WWOX: variants seen among roughly 807,000 people sequenced by gnomAD.
The protein encoded by WWOX is WW domain containing oxidoreductase, also known as WW domain-containing oxidoreductase.
Under a neutral mutation model 46.2 loss-of-function variants are expected in WWOX, and 69 were observed. The ratio of observed to expected loss-of-function variants is 1.49; its 90% CI spans 1.23 to 1.82. The LOEUF (loss-of-function observed/expected upper bound fraction) is 1.82. WWOX is among the 40% of genes most tolerant of loss of function. The pLI, the probability that WWOX is intolerant of heterozygous loss-of-function variation, is 0.00. For synonymous variants in WWOX, 359 were observed against 202.6 expected (o/e 1.77, Z -6.56); for missense variants, 919 against 542.6 (o/e 1.69, Z -6.89).
intron 8 of WWOX, among the ~76,000 whole-genome samples, chr16:78,809,425 G>A (rs1441454324): frequency 1.3e-5 from 2 of 151,526 alleles, no homozygotes; most frequent in Non-Finnish European, 2.9e-5. Flanking sequence ...TCCCTAGTAT[G>A]TATTAATGAG....
At chr16:78,616,477 A>G (rs1350670428) in intron 8 of WWOX, among the ~76,000 whole-genome samples, 4 of 150,160 alleles carry the variant, frequency 2.7e-5, no homozygotes, top group Non-Finnish European at 5.9e-5. Flanking sequence ...AAAGGGCACT[A>G]ATGGCCAGGA....
In WWOX at chr16:78,432,710, C is replaced by T; in HGVS notation, c.1014C>T (p.Tyr338=). Residue 338 remains tyrosine (Y), a synonymous_variant, in exon 8 of 9, where the codon TAC becomes TAT. Coordinates refer to ENST00000566780, the MANE Select transcript of WWOX (RefSeq NM_016373.4). ...YSNIHRSWWV[Y]TLLFTLARPF... is the part of the protein sequence containing the mutation. ...ACATTCATCGCAGCTGGTGGGTGTA[C>T]ACACTGCTGTTTACCTTGGCGAGGC... 1 of 1,614,174 alleles carries T rather than the reference C, an allele frequency of 6.2e-7. No individual in the cohort carries two copies. The highest frequency in any genetic ancestry group is 1.7e-5 in the Admixed American group (1 of 60,028).
At chr16:78,564,432 A>T (rs2044514230) in intron 8 of WWOX, among the ~76,000 whole-genome samples, 1 of 152,178 alleles carries the variant, frequency 6.6e-6, no homozygotes, top group African/African-American at 2.4e-5. Context: ...ATCCAGGGTT[A>T]TATGCTACAG....
intron 8 of WWOX, among the ~76,000 whole-genome samples, chr16:78,437,075 C>A (rs72797987): frequency 6.6e-6 from 1 of 152,150 alleles, no homozygotes; most frequent in East Asian, 1.9e-4. Flanking sequence ...CCTTCTGACA[C>A]GGGTATTGCT....
intron 6 of WWOX, among the ~76,000 whole-genome samples, chr16:78,411,309 A>C (rs750428979): frequency 3.9e-5 from 6 of 152,132 alleles, no homozygotes; most frequent in Non-Finnish European, 5.9e-5. Flanking sequence ...ATGTTGAGTA[A>C]TATGCCATTG....
chr16:78,713,574 T>A (rs1442614073), intron 8 of WWOX, among the ~76,000 whole-genome samples: 2 of 152,070 alleles, frequency 1.3e-5, no homozygotes, highest in East Asian at 1.9e-4. Flanking sequence ...TTAATTTGGG[T>A]CCTTATAAAA....
intron 5 of WWOX, among the ~76,000 whole-genome samples, chr16:78,304,609 C>T (rs552079601): frequency 5.3e-5 from 8 of 152,302 alleles, no homozygotes; most frequent in Admixed American, 1.3e-4. Context: ...GAGATATATA[C>T]GCGTGCTGCT....
intron 5 of WWOX, among the ~76,000 whole-genome samples, chr16:78,343,245 C>T (rs544390493): frequency 8.3e-6 from 1 of 120,414 alleles, no homozygotes; most frequent in East Asian, 1.9e-4. Context: ...TGTGTGCCCT[C>T]TGCTGTTGAA....
intron 8 of WWOX, among the ~76,000 whole-genome samples, chr16:79,133,539 T>C (rs2049923706): frequency 6.6e-6 from 1 of 152,240 alleles, no homozygotes; most frequent in Non-Finnish European, 1.5e-5. Flanking sequence ...TTAAATGTTC[T>C]TTTCTTTTTC....
intron 5 of WWOX, among the ~76,000 whole-genome samples, chr16:78,239,102 C>T (rs1185402617): frequency 6.6e-6 from 1 of 152,200 alleles, no homozygotes; most frequent in Non-Finnish European, 1.5e-5. Flanking sequence ...TGTGTTTCCT[C>T]CTCAGGTGGC....
chr16:78,118,327 G>C (rs1009033447), intron 4 of WWOX, among the ~76,000 whole-genome samples: 2 of 152,158 alleles, frequency 1.3e-5, no homozygotes, highest in Admixed American at 6.5e-5. Context: ...GATTCTGACA[G>C]ATAAAAGGAT....
intron 6 of WWOX, among the ~76,000 whole-genome samples, chr16:78,411,242 A>G (rs1316481777): frequency 1.3e-5 from 2 of 152,172 alleles, no homozygotes; most frequent in African/African-American, 2.4e-5. Context: ...CCTGCCTAGG[A>G]CAGTGCGTTT....
At chr16:79,170,524 G>T (rs547014379) in intron 8 of WWOX, among the ~76,000 whole-genome samples, 1 of 152,172 alleles carries the variant, frequency 6.6e-6, no homozygotes, top group African/African-American at 2.4e-5. Context: ...CCTAAATTAT[G>T]CCAGATTAAG....
intron 8 of WWOX, among the ~76,000 whole-genome samples, chr16:78,990,958 C>G (rs190242794): frequency 8.4e-4 from 128 of 152,362 alleles, no homozygotes; most frequent in Non-Finnish European, 1.4e-3. Context: ...TCCAGGGGAG[C>G]TTGTCTTCAG....
chr16:79,078,326 T>A (rs1220497679), intron 8 of WWOX: 1 of 152,196 alleles, frequency 6.6e-6, no homozygotes, highest in Non-Finnish European at 1.5e-5. Flanking sequence ...GGTTAGGGTT[T>A]TGTTACTTGC....
At chr16:78,636,995 G>C (rs7193983) in intron 8 of WWOX, among the ~76,000 whole-genome samples, 41,620 of 152,070 alleles carry the variant, frequency 0.27, 5,850 homozygotes, top group African/African-American at 0.33. Context: ...ACAGAGGCAA[G>C]TGCGCATTTG....
At chr16:79,150,210 C>T (rs957261067) in intron 8 of WWOX, among the ~76,000 whole-genome samples, 1 of 152,160 alleles carries the variant, frequency 6.6e-6, no homozygotes, top group African/African-American at 2.4e-5. Context: ...GATCCTTTCC[C>T]AAACCATAGA....
chr16:78,479,517 A>C (rs1292107507), intron 8 of WWOX, among the ~76,000 whole-genome samples: 1 of 152,204 alleles, frequency 6.6e-6, no homozygotes, highest in Non-Finnish European at 1.5e-5. Flanking sequence ...TGGTTTTTGA[A>C]TGAAGTCACT....
intron 8 of WWOX, among the ~76,000 whole-genome samples, chr16:79,013,541 G>T (rs770385776): frequency 1.3e-5 from 2 of 152,160 alleles, no homozygotes; most frequent in Non-Finnish European, 2.9e-5. Flanking sequence ...GACAGCAAAA[G>T]CACACACAAT....
Sources: allele counts gnomAD v4.1 joint callset (sites outside exome capture counted in the v4.1 genomes callset), GRCh38; gene constraint gnomAD v4.1.1; transcripts MANE v1.5; gene names NCBI Gene and HGNC (gene_info 2026-07-23, HGNC 2026-07-21).